Variants in GRIP1 observed in about 807,000 individuals in gnomAD.
GRIP1 encodes the protein glutamate receptor interacting protein 1, also known as glutamate receptor-interacting protein 1.
In GRIP1, 45 loss-of-function variants were observed where a neutral mutation model predicts 129.9. That is an observed-to-expected ratio of 0.35 (90% CI 0.27 to 0.44). The LOEUF (loss-of-function observed/expected upper bound fraction) is 0.44. Ranked by LOEUF, GRIP1 falls within the 20% of genes least tolerant of loss-of-function variation. The probability of loss-of-function intolerance (pLI) is 1.00; values close to 1 mark genes in which losing one functional copy is unlikely to be tolerated. For missense variants in GRIP1, 1,196 were observed against 1,396.8 expected, an observed-to-expected ratio of 0.86 and a Z score of 2.29; for synonymous variants, 530 against 520.8, an observed-to-expected ratio of 1.02 and a Z score of -0.24.
At chr12:66,621,048 A>G (rs2065246525) in intron 1 of GRIP1, among the ~76,000 whole-genome samples, 1 of 152,094 alleles carries the variant, frequency 6.6e-6, no homozygotes, top group South Asian at 2.1e-4. Context: ...TTGGAAAAGC[A>G]TTTTATAAAT....
intron 4 of GRIP1, among the ~76,000 whole-genome samples, chr12:66,530,223 A>T (rs569387850): frequency 3.3e-5 from 5 of 152,330 alleles, no homozygotes; most frequent in Admixed American, 2.6e-4. Flanking sequence ...ACCTAACAAG[A>T]GAGACAATAT....
At chr12:66,394,751 A>G (rs1311809087) in intron 16 of GRIP1, among the ~76,000 whole-genome samples, 1 of 152,238 alleles carries the variant, frequency 6.6e-6, no homozygotes, top group Non-Finnish European at 1.5e-5. Flanking sequence ...GTAACAAAGA[A>G]GACAGACATT....
intron 22 of GRIP1, among the ~76,000 whole-genome samples, chr12:66,373,552 A>T (rs1433210693): frequency 6.6e-6 from 1 of 152,228 alleles, no homozygotes; most frequent in African/African-American, 2.4e-5. Context: ...AAGATTTCAT[A>T]GTTCCCAAAT....
chr12:67,011,468 C>G (rs553831310), intron 1 of GRIP1, among the ~76,000 whole-genome samples: 1 of 152,336 alleles, frequency 6.6e-6, no homozygotes, highest in Non-Finnish European at 1.5e-5. Context: ...ACCTGAACCT[C>G]AAACCACTCA....
chr12:66,690,116 C>T (rs1418486276), intron 1 of GRIP1, among the ~76,000 whole-genome samples: 1 of 151,894 alleles, frequency 6.6e-6, no homozygotes, highest in Non-Finnish European at 1.5e-5. Flanking sequence ...GAAGGGCTGT[C>T]CCTACATTGC....
At chr12:67,012,534 T>C (rs1447755748) in intron 1 of GRIP1, among the ~76,000 whole-genome samples, 1 of 152,184 alleles carries the variant, frequency 6.6e-6, no homozygotes, top group Non-Finnish European at 1.5e-5. Flanking sequence ...AGCAACAGCA[T>C]ATTTATTAAC....
chr12:66,673,085 T>A (rs1361328265), intron 1 of GRIP1, among the ~76,000 whole-genome samples: 1 of 152,150 alleles, frequency 6.6e-6, no homozygotes, highest in Non-Finnish European at 1.5e-5. Flanking sequence ...GGCAGGTCTA[T>A]GGTTTCTATC....
chr12:66,655,696 G>T (rs527814283), intron 1 of GRIP1, among the ~76,000 whole-genome samples: 6 of 143,964 alleles, frequency 4.2e-5, no homozygotes, highest in Non-Finnish European at 9.0e-5. Flanking sequence ...TGCAAGCTCC[G>T]CCTCCCGGGT....
Position 66,481,184 on chromosome 12 carries a change from T to G in GRIP1, c.725-15762A>C, listed in dbSNP as rs997995013. Among the ~76,000 whole-genome samples, 25 of 151,702 alleles carry G rather than the reference T, an allele frequency of 1.6e-4. 1 individual carries two copies. The highest frequency in any genetic ancestry group is 6.0e-4 in the African/African-American group (25 of 41,374). ...CAACCTACAGAATGGGAGAAAATTT[T>G]TGCAATCAATCCATCTGACAAAGGG... On this transcript the variant is annotated intron_variant, in intron 7 of 24. Coordinates refer to ENST00000359742, the MANE Select transcript of GRIP1 (RefSeq NM_001366722.1).
chr12:66,982,638 G>T (rs1258083815), intron 1 of GRIP1, among the ~76,000 whole-genome samples: 1 of 152,096 alleles, frequency 6.6e-6, no homozygotes, highest in Admixed American at 6.6e-5. Context: ...GTCCAACAAC[G>T]CTTTAGAAAT....
chr12:66,626,486 T>A (rs570082674), intron 1 of GRIP1: 1 of 152,360 alleles, frequency 6.6e-6, no homozygotes, highest in East Asian at 1.9e-4. Context: ...AGTATAGTAT[T>A]TCTCTAGAGA....
chr12:66,894,739 T>A lies in GRIP1; in HGVS notation c.58+174311A>T, dbSNP rs138208744. Among the ~76,000 whole-genome samples the A allele has an allele frequency of 2.0e-5, 3 of 152,338 alleles. No homozygotes were observed. In the East Asian group the frequency reaches 5.8e-4, roughly 29 times the overall value. ...CACAGACTTAGGAATTAAATTGTGC[T>A]GTCAATCAGACCCTGCAAGGGACAA... On this transcript the variant is annotated intron_variant, in intron 1 of 1. Coordinates refer to the GRIP1 transcript ENST00000643019.
intron 1 of GRIP1, among the ~76,000 whole-genome samples, chr12:67,049,480 G>A (rs561290548): frequency 1.1e-4 from 16 of 152,202 alleles, no homozygotes; most frequent in South Asian, 4.1e-4. Flanking sequence ...CAAACACCGC[G>A]TGTTCCCACT....
At chr12:66,815,767 CCAAA>C (rs71069020) in intron 1 of GRIP1, among the ~76,000 whole-genome samples, 3 of 150,952 alleles carry the variant, frequency 2.0e-5, no homozygotes, top group Admixed American at 6.6e-5. Flanking sequence ...CCGACTCAAA[CCAAA>C]CAAACAAACA....
intron 9 of GRIP1, among the ~76,000 whole-genome samples, chr12:66,458,429 G>T (rs2059032652): frequency 6.6e-6 from 1 of 152,172 alleles, no homozygotes; most frequent in South Asian, 2.1e-4. Context: ...TTGTCACTCA[G>T]GATGGAGTGC....
intron 1 of GRIP1, among the ~76,000 whole-genome samples, chr12:66,758,124 T>C (rs1419580111): frequency 6.6e-5 from 10 of 152,180 alleles, no homozygotes. Context: ...GATGTATTAG[T>C]TCGTTTTCAT....
intron 11 of GRIP1, among the ~76,000 whole-genome samples, chr12:66,451,105 G>A (rs1473235234): frequency 6.6e-6 from 1 of 152,104 alleles, no homozygotes; most frequent in African/African-American, 2.4e-5. Flanking sequence ...GTATGCCGAG[G>A]TTGTGTTCAG....
At chr12:66,510,155 C>T (rs552167275) in intron 7 of GRIP1, among the ~76,000 whole-genome samples, 1 of 152,236 alleles carries the variant, frequency 6.6e-6, no homozygotes, top group East Asian at 1.9e-4. Context: ...TGCATTAACC[C>T]TTCTGCTCCT....
chr12:66,751,848 A>T (rs1465816853), intron 1 of GRIP1, among the ~76,000 whole-genome samples: 2 of 152,218 alleles, frequency 1.3e-5, no homozygotes, highest in Non-Finnish European at 2.9e-5. Flanking sequence ...TGCTGACAAC[A>T]TGTGTCACAA....
Sources: gnomAD v4.1 joint callset for allele counts (sites outside exome capture counted in the v4.1 genomes callset) on GRCh38, gnomAD v4.1.1 for gene constraint, MANE v1.5 for transcripts, NCBI Gene and HGNC (gene_info 2026-07-23, HGNC 2026-07-21) for gene names.